The following JAK1 variants were observed in gnomAD, a reference collection of about 807,000 sequenced individuals.
JAK1 encodes Janus kinase 1, also known as tyrosine-protein kinase JAK1.
In JAK1, 16 loss-of-function variants were observed where a neutral mutation model predicts 136.6. That is an observed-to-expected ratio of 0.12 (90% confidence interval 0.08 to 0.18). The LOEUF is 0.18. Among genes scored for constraint, JAK1 ranks in the 10% least tolerant of loss-of-function variants. JAK1 has a pLI of 1.00. For missense variants in JAK1, 859 were observed against 1,450.1 expected (o/e 0.59, Z 6.62); for synonymous variants, 492 against 519.5 (o/e 0.95, Z 0.72).
intron 1 of JAK1, among the ~76,000 whole-genome samples, chr1:65,062,082 C>T (rs774570986): frequency 6.6e-6 from 1 of 152,110 alleles, no homozygotes; most frequent in Non-Finnish European, 1.5e-5. Context: ...AAAGAGAAGA[C>T]TGAGCTTTCT....
chr1:64,874,695 C>G (rs573140667), intron 4 of JAK1, among the ~76,000 whole-genome samples: 1 of 152,316 alleles, frequency 6.6e-6, no homozygotes, highest in South Asian at 2.1e-4. Context: ...AGGTCTCTTT[C>G]CCTTGACTTG....
intron 20 of JAK1, among the ~76,000 whole-genome samples, chr1:64,839,107 C>G (rs1314077457): frequency 7.6e-6 from 1 of 132,172 alleles, no homozygotes; most frequent in East Asian, 2.2e-4. Flanking sequence ...GATTGCGCCA[C>G]TGCAGTCCAG....
intron 17 of JAK1, 139 bp from the exon 18 acceptor site, chr1:64,841,740 C>G: frequency 1.2e-6 from 1 of 815,682 alleles, no homozygotes. Flanking sequence ...GTGTTTGTTA[C>G]TGCTGCCTTA....
At chr1:65,042,215 G>A (rs1036282465) in intron 2 of JAK1, among the ~76,000 whole-genome samples, 5 of 152,152 alleles carry the variant, frequency 3.3e-5, no homozygotes, top group African/African-American at 1.2e-4. Context: ...GTCTAGAGAT[G>A]ATTGAAAGTA....
At chr1:64,951,177 G>A (rs1246929955) in intron 1 of JAK1, among the ~76,000 whole-genome samples, 2 of 152,108 alleles carry the variant, frequency 1.3e-5, no homozygotes, top group Non-Finnish European at 2.9e-5. Context: ...GAAGAAATTC[G>A]TTTGACTGCT....
In JAK1 at chr1:64,932,104, A is replaced by G. The variant is rs1019576032; in HGVS notation, c.-78+34229T>C. On this transcript the variant is annotated intron_variant, in intron 1 of 24. Coordinates refer to ENST00000342505, the MANE Select transcript of JAK1 (RefSeq NM_002227.4). ...CTCATACCAACACTGTGAGGTAGAC[A>G]TCATGGCACTTTATAAATAAGAAAT... Among the ~76,000 whole-genome samples, 3 of 150,198 alleles carry G rather than the reference A, an allele frequency of 2.0e-5. No homozygotes were observed. In the South Asian group the frequency reaches 6.4e-4, roughly 32 times the overall value.
chr1:65,056,883 T>C (rs1647563448), intron 1 of JAK1, among the ~76,000 whole-genome samples: 1 of 140,328 alleles, frequency 7.1e-6, no homozygotes, highest in Admixed American at 7.9e-5. Flanking sequence ...AAGACTGAGC[T>C]ACTGCACTCC....
intron 1 of JAK1, among the ~76,000 whole-genome samples, chr1:64,950,272 G>A (rs1162655832): frequency 6.6e-6 from 1 of 152,000 alleles, no homozygotes; most frequent in Admixed American, 6.5e-5. Flanking sequence ...GCCTGGCGTG[G>A]TGGCGGGCGC....
chr1:64,851,480 G>C (rs978889819), intron 11 of JAK1, among the ~76,000 whole-genome samples: 1 of 152,196 alleles, frequency 6.6e-6, no homozygotes, highest in Admixed American at 6.5e-5. Flanking sequence ...CAGAAGATCA[G>C]GGCAGGAGAC....
intron 1 of JAK1, among the ~76,000 whole-genome samples, chr1:65,046,854 C>G (rs977141436): frequency 1.3e-5 from 2 of 150,038 alleles, no homozygotes; most frequent in South Asian, 4.2e-4. Context: ...TGTGAGCCAC[C>G]GCATCCAGCC....
chr1:64,858,386 G>A (rs948570557), intron 9 of JAK1, among the ~76,000 whole-genome samples: 4 of 151,554 alleles, frequency 2.6e-5, no homozygotes, highest in Admixed American at 6.7e-5. Context: ...AGAGAGGGCC[G>A]CCATGGTTCG....
chr1:64,985,903 A>G, intron 2 of JAK1: 1 of 721,056 alleles, frequency 1.4e-6, no homozygotes, highest in Non-Finnish European at 2.4e-6. Context: ...GCCATAGACA[A>G]GCACCAAAGG....
intron 8 of JAK1, among the ~76,000 whole-genome samples, chr1:64,860,981 T>TGTGTGTGTGTGTGTGG (rs1656294523): frequency 7.6e-6 from 1 of 130,942 alleles, no homozygotes; most frequent in Non-Finnish European, 1.6e-5. Flanking sequence ...TGTGTGTGTG[T>TGTGTGTGTGTGTGTGG]TGGGGGTGAC....
In JAK1 at chr1:64,845,396, C is replaced by G. The variant is rs1655164416; in HGVS notation, c.2115+117G>C. On this transcript the variant is annotated intron_variant, in intron 15 of 24. Transcript: ENST00000342505. ...CTTTGTTCAACCACAGAGCCCTGGC[C>G]CCATGGAACCCAAGGACAGGCCCCT... 17 of 1,173,856 alleles carry G rather than the reference C, an allele frequency of 1.4e-5. No homozygotes were observed. The South Asian group carries it at 2.2e-4, about 15-fold the overall frequency. The allele number at this position is 1,173,856 out of a possible 1,614,324, so 72.7% of individuals were successfully genotyped here.
At chr1:64,917,696 C>G (rs1645423700) in intron 1 of JAK1, among the ~76,000 whole-genome samples, 2 of 152,152 alleles carry the variant, frequency 1.3e-5, no homozygotes, top group Non-Finnish European at 2.9e-5. Context: ...CCTGAATCAG[C>G]AGAAGACTAT....
chr1:64,848,148 GCCC>G (rs1254584903), intron 12 of JAK1: 1 of 154,800 alleles, frequency 6.5e-6, no homozygotes, highest in Non-Finnish European at 1.4e-5. Context: ...GGCAATCTCT[GCCC>G]ACTTTCTGCA....
intron 1 of JAK1, among the ~76,000 whole-genome samples, chr1:64,891,482 G>A (rs1395043205): frequency 1.3e-5 from 2 of 152,190 alleles, no homozygotes; most frequent in African/African-American, 4.8e-5. Flanking sequence ...AGCCTTCCCT[G>A]TGTTCCTGCC....
At chr1:64,842,883 CAT>C (rs1038957217) in intron 17 of JAK1, among the ~76,000 whole-genome samples, 4 of 152,200 alleles carry the variant, frequency 2.6e-5, no homozygotes, top group African/African-American at 4.8e-5. Context: ...ACTGGCAAGT[CAT>C]AAAGGTTCTA....
chr1:64,841,166 C>A, intron 19 of JAK1, 79 bp downstream of exon 19: 1 of 1,013,938 alleles, frequency 9.9e-7, no homozygotes, highest in South Asian at 1.4e-5. Flanking sequence ...GAATGGAGAG[C>A]AGCTGTACGT....
Sources: allele counts gnomAD v4.1 joint callset (sites outside exome capture counted in the v4.1 genomes callset), GRCh38; gene constraint gnomAD v4.1.1; transcripts MANE v1.5; gene names NCBI Gene and HGNC (gene_info 2026-07-23, HGNC 2026-07-21).